PLPP1: variants seen among roughly 807,000 people sequenced by gnomAD.
PLPP1 encodes the protein phospholipid phosphatase 1.
A neutral mutation model predicts 31.2 loss-of-function variants in PLPP1; 24 were observed. That is an observed-to-expected ratio of 0.77 (90% CI 0.56 to 1.08). The LOEUF (loss-of-function observed/expected upper bound fraction) is 1.08. PLPP1 is among the 50% of genes least tolerant of loss of function. The pLI, the probability that PLPP1 is intolerant of heterozygous loss-of-function variation, is 0.00. For missense variants in PLPP1, 319 were observed against 342.7 expected, an observed-to-expected ratio of 0.93 and a Z score of 0.55; for synonymous variants, 146 against 126.3, an observed-to-expected ratio of 1.16 and a Z score of -1.05.
At chr5:55,457,757 C>T (rs748827441) in intron 3 of PLPP1, among the ~76,000 whole-genome samples, 4 of 151,914 alleles carry the variant, frequency 2.6e-5, no homozygotes, top group Admixed American at 1.3e-4. Context: ...GACGTGGTGG[C>T]GGGCGCCTGT....
Position 55,530,518 on chromosome 5 carries a change from C to A in PLPP1, c.58+4054G>T, listed in dbSNP as rs1740625734. The A allele has an allele frequency of 6.7e-6, 8 of 1,193,988 alleles. No homozygotes were observed. The Admixed American group carries it at 1.2e-4, about 18-fold the overall frequency. The allele number at this position is 1,193,988 out of a possible 1,614,324, so 74.0% of individuals were successfully genotyped here. On this transcript the variant is annotated intron_variant, in intron 1 of 5. Transcript: ENST00000307259. ...CTCCTATTGCTGTTCCCTACTGAAT[C>A]TTCAGAGATCTGAAAGTTTGGAATG...
chr5:55,475,141 A>T (rs908146063), intron 2 of PLPP1, among the ~76,000 whole-genome samples, 158 bp downstream of exon 2: 2 of 152,200 alleles, frequency 1.3e-5, no homozygotes, highest in Middle Eastern at 3.2e-3. Context: ...ACTCCACTTA[A>T]AATAGCTGAG....
At chr5:55,432,426 C>T (rs146889169) in intron 4 of PLPP1, among the ~76,000 whole-genome samples, 97 of 152,166 alleles carry the variant, frequency 6.4e-4, no homozygotes, top group African/African-American at 2.2e-3. Context: ...AATCCAGGAC[C>T]AAATGGCTTT....
chr5:55,435,852 T>C (rs927642616), intron 4 of PLPP1, among the ~76,000 whole-genome samples: 3 of 151,968 alleles, frequency 2.0e-5, no homozygotes, highest in African/African-American at 7.3e-5. Flanking sequence ...TTAGGCTATT[T>C]CTATTCCTCC....
chr5:55,481,024 C>A (rs1043259775), intron 1 of PLPP1, among the ~76,000 whole-genome samples: 28 of 152,152 alleles, frequency 1.8e-4, no homozygotes, highest in African/African-American at 6.5e-4. Flanking sequence ...TATAATGGTT[C>A]AAGACAGAGT....
chr5:55,532,225 AT>A lies in PLPP1; in HGVS notation c.58+2346del, dbSNP rs1013803102. 4.5e-3 allele frequency among the ~76,000 whole-genome samples: 684 copies of A among 150,418 alleles called. 4 individuals are homozygous for A. Among genetic ancestry groups the A allele is most frequent in the African/African-American group, 0.016 (644 of 41,074 alleles). ...CATGTCAGTTCCTCCATTATATGTGATTTTTTTTTTAATTGCAGATCTACCA... is the reference window on the plus strand; with the variant it reads ...CATGTCAGTTCCTCCATTATATGTGATTTTTTTTTAATTGCAGATCTACCA... On this transcript the variant is annotated intron_variant, in intron 1 of 5. Coordinates refer to ENST00000307259, the MANE Select transcript of PLPP1 (RefSeq NM_003711.4).
At chr5:55,485,921 T>C (rs1272281500) in intron 1 of PLPP1, among the ~76,000 whole-genome samples, 1 of 152,162 alleles carries the variant, frequency 6.6e-6, no homozygotes, top group Non-Finnish European at 1.5e-5. Context: ...TAATCAGCTG[T>C]CTTCCAACTA....
intron 4 of PLPP1, among the ~76,000 whole-genome samples, chr5:55,432,996 T>C (rs767042313): frequency 4.0e-5 from 6 of 151,766 alleles, no homozygotes; most frequent in Non-Finnish European, 4.4e-5. Context: ...GACCTAACCC[T>C]GAGCAATGAG....
intron 1 of PLPP1, among the ~76,000 whole-genome samples, chr5:55,499,187 C>A (rs1257683296): frequency 6.6e-6 from 1 of 152,202 alleles, no homozygotes; most frequent in South Asian, 2.1e-4. Context: ...TTCTCTAGAA[C>A]CACTAGAAAC....
intron 3 of PLPP1, among the ~76,000 whole-genome samples, chr5:55,466,903 G>T (rs1752310062): frequency 6.6e-6 from 1 of 152,112 alleles, no homozygotes; most frequent in African/African-American, 2.4e-5. Flanking sequence ...AAAAAGATAA[G>T]GCTGACAATT....
intron 1 of PLPP1, among the ~76,000 whole-genome samples, chr5:55,492,379 A>G (rs1279036180): frequency 6.6e-6 from 1 of 152,170 alleles, no homozygotes; most frequent in Non-Finnish European, 1.5e-5. Context: ...CAACTCTTTT[A>G]TTGCATGTAA....
intron 3 of PLPP1, among the ~76,000 whole-genome samples, chr5:55,442,531 A>G (rs955873331): frequency 1.9e-4 from 29 of 152,008 alleles, no homozygotes; most frequent in Non-Finnish European, 3.8e-4. Flanking sequence ...GTGTGCCTGT[A>G]GTCCCAGCTA....
intron 1 of PLPP1, among the ~76,000 whole-genome samples, chr5:55,506,107 G>T: frequency 6.6e-6 from 1 of 151,710 alleles, no homozygotes; most frequent in African/African-American, 2.4e-5. Flanking sequence ...AAAAGCTCAA[G>T]AAACTAAAAG....
chr5:55,526,947 A>AC (rs1249840527), intron 1 of PLPP1, among the ~76,000 whole-genome samples: 1 of 147,934 alleles, frequency 6.8e-6, no homozygotes, highest in Non-Finnish European at 1.5e-5. Context: ...AAAAAAAAAA[A>AC]AAAAAAAGTT....
intron 1 of PLPP1, among the ~76,000 whole-genome samples, chr5:55,533,472 G>A (rs924392322): frequency 6.6e-6 from 1 of 151,918 alleles, no homozygotes; most frequent in African/African-American, 2.4e-5. Context: ...CCACAAGATT[G>A]CAAGGGCCTA....
chr5:55,481,367 T>C (rs1309687084), intron 1 of PLPP1, among the ~76,000 whole-genome samples: 3 of 152,202 alleles, frequency 2.0e-5, no homozygotes, highest in Non-Finnish European at 4.4e-5. Flanking sequence ...CATGGATATA[T>C]TGTTCCTTTT....
chr5:55,459,708 T>C (rs931466241), intron 3 of PLPP1, among the ~76,000 whole-genome samples: 1 of 152,174 alleles, frequency 6.6e-6, no homozygotes, highest in Admixed American at 6.5e-5. Flanking sequence ...AATTAGAAAG[T>C]ATTGTTAGCC....
intron 4 of PLPP1, 111 bp from the exon 5 acceptor site, chr5:55,426,150 A>G: frequency 1.0e-6 from 1 of 965,050 alleles, no homozygotes; most frequent in Non-Finnish European, 1.5e-6. Context: ...TATATAGGGA[A>G]CAGGACTTCT....
At chr5:55,514,883 T>C (rs1184176124) in intron 1 of PLPP1, among the ~76,000 whole-genome samples, 1 of 152,210 alleles carries the variant, frequency 6.6e-6, no homozygotes, top group East Asian at 1.9e-4. Flanking sequence ...AGCAAACTTA[T>C]AATGCTGAAA....
Sources: allele counts gnomAD v4.1 joint callset (sites outside exome capture counted in the v4.1 genomes callset), GRCh38; gene constraint gnomAD v4.1.1; transcripts MANE v1.5; gene names NCBI Gene and HGNC (gene_info 2026-07-23, HGNC 2026-07-21).